SEMA3A: variants seen among roughly 807,000 people sequenced by gnomAD.
SEMA3A encodes the protein semaphorin-3A.
SEMA3A carries 29 observed loss-of-function variants against 97.9 expected under a neutral mutation model. The ratio of observed to expected loss-of-function variants is 0.30; its 90% CI spans 0.22 to 0.40. The LOEUF (loss-of-function observed/expected upper bound fraction) is 0.40, where lower values mean the gene tolerates loss of function less well. Ranked by LOEUF, SEMA3A falls within the 10% of genes least tolerant of loss-of-function variation. The probability of loss-of-function intolerance (pLI) is 1.00; values close to 1 mark genes in which losing one functional copy is unlikely to be tolerated. For synonymous variants in SEMA3A, 321 were observed against 323.7 expected, an observed-to-expected ratio of 0.99 and a Z score of 0.09; for missense variants, 763 against 951.3, an observed-to-expected ratio of 0.80 and a Z score of 2.60.
At chr7:83,972,121 ACAGT>A (rs1788945540) in intron 15 of SEMA3A, among the ~76,000 whole-genome samples, 1 of 152,014 alleles carries the variant, frequency 6.6e-6, no homozygotes, top group African/African-American at 2.4e-5. Flanking sequence ...AAATGGTTAA[ACAGT>A]CATAGGGCCA....
chr7:84,121,174 A>C (rs2115986617), intron 3 of SEMA3A, among the ~76,000 whole-genome samples: 1 of 152,292 alleles, frequency 6.6e-6, no homozygotes, highest in Non-Finnish European at 1.5e-5. Context: ...ACACTATCGT[A>C]ACTGTATAAA....
At chr7:84,486,534 A>C (rs1210423556) in intron 1 of SEMA3A, among the ~76,000 whole-genome samples, 2 of 152,180 alleles carry the variant, frequency 1.3e-5, no homozygotes, top group Admixed American at 6.5e-5. Flanking sequence ...ATTCTTTTCT[A>C]TCTTATAGTA....
intron 2 of SEMA3A, among the ~76,000 whole-genome samples, chr7:84,342,942 G>C (rs1802206854): frequency 6.6e-6 from 1 of 152,080 alleles, no homozygotes; most frequent in Admixed American, 6.6e-5. Flanking sequence ...GTGTATTTTT[G>C]AAATTTTAAG....
intron 3 of SEMA3A, among the ~76,000 whole-genome samples, chr7:84,206,772 C>G (rs527614316): frequency 6.6e-6 from 1 of 151,878 alleles, no homozygotes; most frequent in Non-Finnish European, 1.5e-5. Context: ...TGGGTACTTT[C>G]TATTAAATGG....
intron 13 of SEMA3A, among the ~76,000 whole-genome samples, chr7:83,982,766 A>G (rs1191512947): frequency 6.6e-6 from 1 of 152,120 alleles, no homozygotes; most frequent in Non-Finnish European, 1.5e-5. Context: ...GCATTTCCAA[A>G]GGCTTTCATG....
At position 84,011,043 on chromosome 7, in the gene SEMA3A, T is replaced by A. The variant is rs1386208720; in HGVS notation, c.974A>T (p.Tyr325Phe). 13 of 1,610,844 alleles carry A rather than the reference T, an allele frequency of 8.1e-6. No homozygotes were observed. The highest frequency in any genetic ancestry group is 1.3e-5 in the African/African-American group (1 of 74,834). Residue 325 changes from tyrosine to phenylalanine, a missense_variant, in exon 9 of 17, where the codon TAT (tyrosine) becomes TTT (phenylalanine). Tyr to Phe is a conservative substitution (Grantham distance 22, BLOSUM62 3). Around this residue, in one of 2 missense-constraint regions of SEMA3A, gnomAD observed 678 missense variants for 881.3 expected, o/e 0.77. Transcript: ENST00000265362. ...NFKDPKNPVV[Y>F]GVFTTSSNIF... ...TTACCTGGAAGTCGTAAACACTCCA[T>A]ATACAACTGGATTTTTAGGATCTTT...
At chr7:84,260,960 G>T (rs1245738639) in intron 3 of SEMA3A, among the ~76,000 whole-genome samples, 2 of 152,184 alleles carry the variant, frequency 1.3e-5, no homozygotes, top group Admixed American at 6.5e-5. Context: ...ATGGTGCTTT[G>T]TCTGGGCCCC....
At chr7:84,260,465 G>C (rs915519030) in intron 3 of SEMA3A, among the ~76,000 whole-genome samples, 2 of 152,132 alleles carry the variant, frequency 1.3e-5, no homozygotes, top group Non-Finnish European at 2.9e-5. Context: ...CCCAGCCACA[G>C]CTCCAGACCC....
chr7:83,984,923 C>T (rs1465757288), intron 13 of SEMA3A, among the ~76,000 whole-genome samples: 1 of 151,886 alleles, frequency 6.6e-6, no homozygotes, highest in East Asian at 1.9e-4. Context: ...CTCTAGCATA[C>T]AATACTACTG....
chr7:83,979,941 A>C (rs899571944), intron 14 of SEMA3A, among the ~76,000 whole-genome samples: 1 of 152,196 alleles, frequency 6.6e-6, no homozygotes, highest in Non-Finnish European at 1.5e-5. Flanking sequence ...AGCTATGAAA[A>C]TCTACATTCA....
At chr7:84,212,040 G>C (rs1032787620) in intron 3 of SEMA3A, among the ~76,000 whole-genome samples, 1 of 152,148 alleles carries the variant, frequency 6.6e-6, no homozygotes, top group African/African-American at 2.4e-5. Context: ...TATGGAAGAC[G>C]AATATTCGGG....
intron 13 of SEMA3A, among the ~76,000 whole-genome samples, chr7:83,983,131 T>C (rs1369285507): frequency 6.6e-6 from 1 of 152,104 alleles, no homozygotes; most frequent in African/African-American, 2.4e-5. Context: ...GAAATGATGG[T>C]TAAATTCTTT....
intron 14 of SEMA3A, among the ~76,000 whole-genome samples, chr7:83,980,143 C>A (rs1789331356): frequency 6.6e-6 from 1 of 151,934 alleles, no homozygotes; most frequent in Non-Finnish European, 1.5e-5. Flanking sequence ...TTTCCTAAAC[C>A]CTGCTAAATG....
intron 1 of SEMA3A, among the ~76,000 whole-genome samples, chr7:84,168,621 T>G (rs1797288497): frequency 6.6e-6 from 1 of 151,868 alleles, no homozygotes; most frequent in Non-Finnish European, 1.5e-5. Context: ...GCATGTTTTA[T>G]TCAACCTAGA....
intron 12 of SEMA3A, among the ~76,000 whole-genome samples, chr7:83,998,142 G>A (rs1236099179): frequency 6.6e-6 from 1 of 151,956 alleles, no homozygotes; most frequent in South Asian, 2.1e-4. Flanking sequence ...TAGATATTAA[G>A]TACTTGTACT....
intron 1 of SEMA3A, among the ~76,000 whole-genome samples, chr7:84,415,072 G>T (rs939503523): frequency 3.0e-4 from 45 of 151,974 alleles, no homozygotes; most frequent in Non-Finnish European, 5.7e-4. Flanking sequence ...TTTCTATAAG[G>T]CAAATTAATA....
intron 4 of SEMA3A, among the ~76,000 whole-genome samples, chr7:84,074,074 T>G (rs1793851123): frequency 6.6e-6 from 1 of 152,098 alleles, no homozygotes; most frequent in South Asian, 2.1e-4. Flanking sequence ...AATACAGAGA[T>G]TATCCTGATT....
chr7:84,377,724 G>C (rs1420689597), intron 1 of SEMA3A, among the ~76,000 whole-genome samples: 2 of 152,122 alleles, frequency 1.3e-5, no homozygotes, highest in Non-Finnish European at 2.9e-5. Flanking sequence ...AATAAGCTTA[G>C]ATTTTTATTC....
intron 15 of SEMA3A, among the ~76,000 whole-genome samples, chr7:83,973,762 G>C (rs966250955): frequency 1.3e-5 from 2 of 152,084 alleles, no homozygotes; most frequent in Non-Finnish European, 2.9e-5. Flanking sequence ...GAGGTGCCAG[G>C]AAGGTAATGC....
Sources: allele counts gnomAD v4.1 joint callset (sites outside exome capture counted in the v4.1 genomes callset), GRCh38; gene constraint gnomAD v4.1.1; regional missense constraint gnomAD v4.1.1; transcripts MANE v1.5; gene names NCBI Gene and HGNC (gene_info 2026-07-23, HGNC 2026-07-21).